The following TNNI1 variants were observed in gnomAD, a reference collection of about 807,000 sequenced individuals.
The protein encoded by TNNI1 is troponin I1, slow skeletal type.
In TNNI1, 14 loss-of-function variants were observed where a neutral mutation model predicts 26.7. That is an observed-to-expected ratio of 0.52 (90% confidence interval 0.35 to 0.82). The LOEUF (loss-of-function observed/expected upper bound fraction) is 0.82, where lower values mean the gene tolerates loss of function less well. Ranked by LOEUF, TNNI1 falls within the 40% of genes least tolerant of loss-of-function variation. TNNI1 has a pLI of 0.01. For missense variants in TNNI1, 164 were observed against 257.0 expected, an observed-to-expected ratio of 0.64 and a Z score of 2.47; for synonymous variants, 79 against 98.2, an observed-to-expected ratio of 0.80 and a Z score of 1.16.
chr1:201,421,132 C>T (rs1662849944), intron 1 of TNNI1, among the ~76,000 whole-genome samples: 1 of 152,232 alleles, frequency 6.6e-6, no homozygotes, highest in South Asian at 2.1e-4. Context: ...GCAAAGGGAG[C>T]TAACAGCGTC....
intron 8 of TNNI1, 49 bp downstream of exon 8, chr1:201,410,277 T>C (rs371286602): frequency 1.3e-6 from 2 of 1,548,592 alleles, no homozygotes; most frequent in African/African-American, 2.7e-5. Context: ...TCCCTCATTA[T>C]CCTCTAGACT....
In TNNI1 at chr1:201,417,132, A is replaced by G. The variant is rs776383219; in HGVS notation, c.12-13T>C. On this transcript the variant is annotated splice_polypyrimidine_tract_variant and intron_variant, in intron 2 of 8. Transcript: ENST00000361379. Reference sequence around the variant, plus strand: ...ATCACTTACCTCGCTTCAGGCATCCATCACAGGAAGGACGGGGAAAGAGCA... The same window carrying G: ...ATCACTTACCTCGCTTCAGGCATCCGTCACAGGAAGGACGGGGAAAGAGCA... The G allele has an allele frequency of 6.2e-7, 1 of 1,614,156 alleles. No individual in the cohort carries two copies. Among genetic ancestry groups the G allele is most frequent in the Admixed American group, 1.7e-5 (1 of 60,020 alleles).
At chr1:201,418,417 G>A (rs952262560) in intron 1 of TNNI1, among the ~76,000 whole-genome samples, 11 of 149,604 alleles carry the variant, frequency 7.4e-5, no homozygotes, top group Middle Eastern at 3.2e-3. Flanking sequence ...ACAGTGAGCC[G>A]AGATCGCACC....
At chr1:201,413,241 A>G (rs1431812728) in intron 5 of TNNI1, 120 bp from the exon 6 acceptor site, 3 of 1,020,618 alleles carry the variant, frequency 2.9e-6, no homozygotes, top group African/African-American at 1.6e-5. Context: ...AGGAGCTGAC[A>G]GTCTCCTCCA....
chr1:201,418,819 G>A (rs960619393), intron 1 of TNNI1, among the ~76,000 whole-genome samples: 10 of 152,104 alleles, frequency 6.6e-5, no homozygotes, highest in Admixed American at 6.6e-4. Flanking sequence ...TTAAATCAGT[G>A]AGTTTCCTCT....
chr1:201,419,953 G>A (rs1271311467), intron 1 of TNNI1, among the ~76,000 whole-genome samples: 1 of 152,230 alleles, frequency 6.6e-6, no homozygotes, highest in Non-Finnish European at 1.5e-5. Context: ...CAAAGACACT[G>A]AGGAAGTCCA....
At chr1:201,418,099 A>G (rs1161513576) in intron 1 of TNNI1, among the ~76,000 whole-genome samples, 1 of 151,040 alleles carries the variant, frequency 6.6e-6, no homozygotes, top group Non-Finnish European at 1.5e-5. Flanking sequence ...TGTGAGCTAC[A>G]AAGCTATCTG....
intron 5 of TNNI1, 26 bp downstream of exon 5, chr1:201,414,492 T>C (rs1662699488): frequency 1.3e-6 from 2 of 1,492,334 alleles, no homozygotes; most frequent in Non-Finnish European, 1.8e-6. Context: ...AGCCCCACCC[T>C]GCCCCGCCCC....
At chr1:201,418,394 G>C (rs1007782478) in intron 1 of TNNI1, among the ~76,000 whole-genome samples, 4 of 151,486 alleles carry the variant, frequency 2.6e-5, no homozygotes, top group Middle Eastern at 3.4e-3. Flanking sequence ...CTTGAACCCA[G>C]GAGGCGGAGG....
chr1:201,420,417 T>C (rs1037534787), intron 1 of TNNI1, among the ~76,000 whole-genome samples: 1 of 151,670 alleles, frequency 6.6e-6, no homozygotes, highest in Non-Finnish European at 1.5e-5. Context: ...AAGGAGATAA[T>C]GAGAAAATCC....
intron 7 of TNNI1, among the ~76,000 whole-genome samples, chr1:201,410,662 C>T (rs972667430): frequency 7.2e-5 from 11 of 152,200 alleles, no homozygotes; most frequent in Admixed American, 1.3e-4. Flanking sequence ...GTGAAAGTGG[C>T]AGCTATGGGG....
chr1:201,413,168 G>A, intron 5 of TNNI1, 47 bp from the exon 6 acceptor site: 1 of 1,605,524 alleles, frequency 6.2e-7, no homozygotes, highest in Middle Eastern at 1.7e-4. Flanking sequence ...GAGGGGAACA[G>A]AGACATCAGT....
At chr1:201,409,992 G>A (rs939264593) in intron 8 of TNNI1, 1 of 197,554 alleles carries the variant, frequency 5.1e-6, no homozygotes, top group African/African-American at 2.3e-5. Flanking sequence ...TTCCAATTTA[G>A]TGGATCTGGG....
intron 6 of TNNI1, among the ~76,000 whole-genome samples, chr1:201,412,142 C>G (rs1340003049): frequency 6.6e-6 from 1 of 152,244 alleles, no homozygotes; most frequent in African/African-American, 2.4e-5. Context: ...GCGGCTCCAC[C>G]AGACTGAGAC....
At chr1:201,413,150 G>A (rs764165490) in intron 5 of TNNI1, 29 bp from the exon 6 acceptor site, 4 of 1,611,980 alleles carry the variant, frequency 2.5e-6, no homozygotes, top group Non-Finnish European at 3.4e-6. Context: ...TCATGCAGGT[G>A]TGAAGAAGAG....
chr1:201,414,161 A>G (rs186534948), intron 5 of TNNI1, among the ~76,000 whole-genome samples: 1 of 152,304 alleles, frequency 6.6e-6, no homozygotes, highest in East Asian at 1.9e-4. Context: ...TTCTGAAAAC[A>G]TTGAAGACCA....
chr1:201,417,135 AC>A lies in TNNI1; in HGVS notation c.12-17del, dbSNP rs757727892. ...ACTTACCTCGCTTCAGGCATCCATC[AC>A]AGGAAGGACGGGGAAAGAGCAGAAC... On this transcript the variant is annotated splice_polypyrimidine_tract_variant and intron_variant, in intron 2 of 8. Coordinates refer to ENST00000361379, the MANE Select transcript of TNNI1 (RefSeq NM_003281.4). 1.5e-5 allele frequency: 24 copies of A among 1,614,054 alleles called. No individual in the cohort carries two copies. In the Admixed American group the frequency reaches 3.2e-4, roughly 21 times the overall value.
chr1:201,416,123 A>G (rs1662735197), intron 3 of TNNI1, among the ~76,000 whole-genome samples: 1 of 152,206 alleles, frequency 6.6e-6, no homozygotes, highest in Non-Finnish European at 1.5e-5. Context: ...GGAAGTTCTC[A>G]TGAGAGACAA....
intron 8 of TNNI1, 135 bp downstream of exon 8, chr1:201,410,191 C>T (rs1662606629): frequency 1.4e-6 from 1 of 707,912 alleles, no homozygotes; most frequent in African/African-American, 1.8e-5. Flanking sequence ...AGAGCCGACT[C>T]AAATCAGTCT....
Sources: gnomAD v4.1 joint callset for allele counts (sites outside exome capture counted in the v4.1 genomes callset) on GRCh38, gnomAD v4.1.1 for gene constraint, MANE v1.5 for transcripts, NCBI Gene and HGNC (gene_info 2026-07-23, HGNC 2026-07-21) for gene names.